The following ADGRB3 variants were observed in gnomAD, a reference collection of about 807,000 sequenced individuals.
ADGRB3 encodes brain-specific angiogenesis inhibitor 3.
In ADGRB3, 37 loss-of-function variants were observed where a neutral mutation model predicts 193.4. The observed-to-expected ratio is 0.19, with a 90% CI of 0.15 to 0.25. ADGRB3 has a LOEUF of 0.25. ADGRB3 is among the 10% of genes least tolerant of loss of function. The pLI is 1.00. For synonymous variants in ADGRB3, 690 were observed against 644.2 expected, an observed-to-expected ratio of 1.07 and a Z score of -1.08; for missense variants, 1,637 against 1,852.9, an observed-to-expected ratio of 0.88 and a Z score of 2.14.
intron 20 of ADGRB3, among the ~76,000 whole-genome samples, chr6:69,300,888 A>G (rs1183514670): frequency 1.3e-5 from 2 of 151,804 alleles, no homozygotes; most frequent in Non-Finnish European, 3.0e-5. Context: ...TTTCAAAGTG[A>G]TAAGATCCTT....
intron 20 of ADGRB3, among the ~76,000 whole-genome samples, chr6:69,297,340 A>ATCTCTCTCTCTCTCTC (rs386407481): frequency 2.1e-4 from 24 of 111,930 alleles, no homozygotes; most frequent in Middle Eastern, 0.012. Flanking sequence ...TTCTACTGAT[A>ATCTCTCTCTCTCTCTC]TCTCTCTCTC....
At chr6:68,680,287 A>G (rs1415839129) in intron 3 of ADGRB3, among the ~76,000 whole-genome samples, 2 of 152,182 alleles carry the variant, frequency 1.3e-5, no homozygotes, top group Admixed American at 6.5e-5. Context: ...GAAGGAAAAA[A>G]AAACCAATAC....
chr6:69,251,802 C>T (rs1490753674), intron 20 of ADGRB3, among the ~76,000 whole-genome samples: 2 of 152,070 alleles, frequency 1.3e-5, no homozygotes, highest in Non-Finnish European at 2.9e-5. Context: ...CAGATTTACT[C>T]CTTTAGCAAA....
At chr6:68,937,172 A>G (rs1767507436) in intron 5 of ADGRB3, among the ~76,000 whole-genome samples, 1 of 152,144 alleles carries the variant, frequency 6.6e-6, no homozygotes, top group African/African-American at 2.4e-5. Context: ...CATTAAAGTA[A>G]CTTTCATCAT....
At chr6:69,183,429 G>A (rs1020232276) in intron 17 of ADGRB3, among the ~76,000 whole-genome samples, 2 of 151,918 alleles carry the variant, frequency 1.3e-5, no homozygotes, top group African/African-American at 4.8e-5. Flanking sequence ...TAAAATTATT[G>A]GAGTGCTTCA....
intron 13 of ADGRB3, among the ~76,000 whole-genome samples, chr6:69,033,836 G>A (rs1770785568): frequency 6.6e-6 from 1 of 152,066 alleles, no homozygotes; most frequent in African/African-American, 2.4e-5. Flanking sequence ...AAGTTAAACT[G>A]AATTGAGAAT....
intron 3 of ADGRB3, among the ~76,000 whole-genome samples, chr6:68,705,925 C>T (rs928727324): frequency 6.6e-6 from 1 of 152,062 alleles, no homozygotes; most frequent in Non-Finnish European, 1.5e-5. Context: ...CCCAGCTTGA[C>T]AGGATTCTTA....
At chr6:69,345,066 A>G (rs1218672742) in intron 26 of ADGRB3, among the ~76,000 whole-genome samples, 1 of 152,108 alleles carries the variant, frequency 6.6e-6, no homozygotes, top group Non-Finnish European at 1.5e-5. Flanking sequence ...TTTGAGGACA[A>G]AGCATTGACT....
At chr6:68,795,865 T>G (rs1767197205) in intron 3 of ADGRB3, among the ~76,000 whole-genome samples, 1 of 152,126 alleles carries the variant, frequency 6.6e-6, no homozygotes. Context: ...TTAAAAAGTT[T>G]TTTAAAATCT....
chr6:69,029,648 A>C (rs993104980), intron 13 of ADGRB3, among the ~76,000 whole-genome samples: 6 of 152,168 alleles, frequency 3.9e-5, no homozygotes, highest in Non-Finnish European at 8.8e-5. Flanking sequence ...ATGAGAAAAG[A>C]GCTTAAGGAC....
intron 26 of ADGRB3, among the ~76,000 whole-genome samples, chr6:69,343,529 G>C (rs1202895008): frequency 6.6e-6 from 1 of 151,970 alleles, no homozygotes; most frequent in Non-Finnish European, 1.5e-5. Flanking sequence ...GATTTACTCT[G>C]TCCTGCCAAA....
intron 17 of ADGRB3, among the ~76,000 whole-genome samples, chr6:69,089,887 T>G (rs1182853166): frequency 1.3e-5 from 2 of 152,152 alleles, no homozygotes; most frequent in African/African-American, 4.8e-5. Context: ...TACCAAATGT[T>G]CGTGAGGGTG....
chr6:68,880,804 C>T (rs1765711585), intron 3 of ADGRB3, among the ~76,000 whole-genome samples: 1 of 152,104 alleles, frequency 6.6e-6, no homozygotes, highest in African/African-American at 2.4e-5. Context: ...CAAATTCATT[C>T]TACAAATATT....
At chr6:68,818,944 T>A in intron 3 of ADGRB3, among the ~76,000 whole-genome samples, 1 of 64,542 alleles carries the variant, frequency 1.5e-5, no homozygotes, top group African/African-American at 8.9e-5. Context: ...TGTTTCACTG[T>A]GTAACATTTG....
At position 69,319,607 on chromosome 6, in the gene ADGRB3, T is replaced by C. The variant is rs1488712168; in HGVS notation, c.2815-5265T>C. Among the ~76,000 whole-genome samples, 10 of 151,412 alleles carry C rather than the reference T, an allele frequency of 6.6e-5. No homozygotes were observed. The Admixed American group carries it at 6.6e-4, about 10-fold the overall frequency. On this transcript the variant is annotated intron_variant, in intron 20 of 31. Transcript: ENST00000370598. ...TTCTCAGTTTTTGCTTCATATACTTTGAAAAATTATTATTGTTTTTATAAA... is the reference window on the plus strand; with the variant it reads ...TTCTCAGTTTTTGCTTCATATACTTCGAAAAATTATTATTGTTTTTATAAA...
At chr6:68,851,453 T>C (rs1246347052) in intron 3 of ADGRB3, among the ~76,000 whole-genome samples, 1 of 151,942 alleles carries the variant, frequency 6.6e-6, no homozygotes, top group Non-Finnish European at 1.5e-5. Flanking sequence ...AGTAACTATT[T>C]AATCTTTAAA....
chr6:68,877,365 A>T (rs1406056132), intron 3 of ADGRB3, among the ~76,000 whole-genome samples: 1 of 144,140 alleles, frequency 6.9e-6, no homozygotes, highest in Admixed American at 7.2e-5. Flanking sequence ...TATATGTTCA[A>T]AATAAAGAAT....
intron 24 of ADGRB3, among the ~76,000 whole-genome samples, chr6:69,335,882 T>A (rs1042418780): frequency 6.6e-6 from 1 of 152,094 alleles, no homozygotes; most frequent in Non-Finnish European, 1.5e-5. Context: ...CTTTGTTCCC[T>A]TTCTTCTTTT....
rs1307901582 is a variant in ADGRB3, at chr6:69,220,452, A to T, written c.2481-12838A>T. On this transcript the variant is annotated intron_variant, in intron 17 of 31. Coordinates refer to ENST00000370598, the MANE Select transcript of ADGRB3 (RefSeq NM_001704.3). Reference sequence around the variant, plus strand: ...GTACAGTTTCTGTGCATACCAAAAAAGAAACCAGAGCTGAAAGTAGTCATT... The same window carrying T: ...GTACAGTTTCTGTGCATACCAAAAATGAAACCAGAGCTGAAAGTAGTCATT... Among the ~76,000 whole-genome samples, 71 of 152,276 alleles carry T rather than the reference A, an allele frequency of 4.7e-4. 2 individuals are homozygous for T. Among genetic ancestry groups the T allele is most frequent in the Non-Finnish European group, 1.2e-4 (8 of 68,014 alleles).
Sources: allele counts gnomAD v4.1 joint callset (sites outside exome capture counted in the v4.1 genomes callset), GRCh38; gene constraint gnomAD v4.1.1; transcripts MANE v1.5; gene names NCBI Gene and HGNC (gene_info 2026-07-23, HGNC 2026-07-21).